GPR153: variants seen among roughly 807,000 people sequenced by gnomAD.
The protein encoded by GPR153 is probable G protein-coupled receptor 153.
GPR153 carries 27 observed loss-of-function variants against 34.1 expected under a neutral mutation model. That is an observed-to-expected ratio of 0.79 (90% CI 0.58 to 1.09). GPR153 has a LOEUF of 1.09. GPR153 is among the 50% of genes least tolerant of loss of function. The pLI is 0.00. For synonymous variants in GPR153, 408 were observed against 405.4 expected, an observed-to-expected ratio of 1.01 and a Z score of -0.08; for missense variants, 848 against 860.2, an observed-to-expected ratio of 0.99 and a Z score of 0.18.
Position 6,256,329 on chromosome 1 carries a change from G to GA in GPR153, c.-109-1316dup, listed in dbSNP as rs564075669. On this transcript the variant is annotated intron_variant, in intron 1 of 5. Transcript: ENST00000377893. ...TTGGATTTCTCAGCTTTTCTTTTTT[G>GA]AAAAAAAAAATTTATATATGTGTGT... Among the ~76,000 whole-genome samples the GA allele has an allele frequency of 3.5e-4, 50 of 144,592 alleles. No homozygotes were observed. In the South Asian group the frequency reaches 7.9e-3, roughly 23 times the overall value. The allele number at this position is 144,592 out of a possible 152,430, so 94.9% of individuals were successfully genotyped here. A position where few individuals can be genotyped will look rare whatever the true frequency, so the allele number is the denominator to read the frequency against.
In GPR153 at chr1:6,249,600, G is replaced by C. The variant is rs1460841568; in HGVS notation, c.1568C>G (p.Pro523Arg). ...GCCGTCGGGGGCGGCGGGCGCAGCG[G>C]GGAAGGGCCCGGGCGGGCGGCGCAG... ...QALRRPPGPF[P>R]AAPAAPDGAD... Residue 523 changes from proline to arginine, a missense_variant, in exon 6 of 6, where the codon CCC becomes CGC. Physicochemically the swap from Pro to Arg is moderately radical, Grantham distance 103. Coordinates refer to ENST00000377893, the MANE Select transcript of GPR153 (RefSeq NM_207370.4). This position sits in a 1 kb window ranked among gnomAD's most constrained non-coding sequence, Gnocchi z 4.3. 2 of 1,151,674 alleles carry C rather than the reference G, an allele frequency of 1.7e-6. No individual in the cohort carries two copies. The highest frequency in any genetic ancestry group is 3.3e-5 in the African/African-American group (2 of 61,164). The allele number at this position is 1,151,674 out of a possible 1,614,324, so 71.3% of individuals were successfully genotyped here. A position where few individuals can be genotyped will look rare whatever the true frequency, so the allele number is the denominator to read the frequency against.
rs982255285 is a variant in GPR153 at position 6,253,854 on chromosome 1, ATGG to A, written c.647_649del (p.Thr216del). ...CTTGCCCTGCGCGTCCTCCACCACGATGGTGGGCACGGTGAAGGCGCGGCGGTC... is the reference window on the plus strand; with the variant it reads ...CTTGCCCTGCGCGTCCTCCACCACGATGGGCACGGTGAAGGCGCGGCGGTC... On this transcript the variant is annotated inframe_deletion, in exon 3 of 6. Coordinates refer to ENST00000377893, the MANE Select transcript of GPR153 (RefSeq NM_207370.4). 6.2e-7 allele frequency: 1 copy of A among 1,605,694 alleles called. No homozygotes were observed. The highest frequency in any genetic ancestry group is 1.1e-5 in the South Asian group (1 of 90,684).
chr1:6,255,649 T>TTG (rs1201840960), intron 1 of GPR153, among the ~76,000 whole-genome samples: 2 of 122,940 alleles, frequency 1.6e-5, no homozygotes, highest in Non-Finnish European at 3.3e-5. Context: ...TACGTTTTTT[T>TTG]TTTTTTTTTT....
rs1638366371 is a variant in GPR153 at position 6,249,031 on chromosome 1, G to C, written c.*307C>G. On this transcript the variant is annotated 3_prime_UTR_variant, in exon 6 of 6. Transcript: ENST00000377893. The surrounding 1 kb of genome is among the most constrained non-coding windows in gnomAD (Gnocchi z 4.3). Reference sequence around the variant, plus strand: ...GTCCTGTTGCGCAGGGCTGGTGATGGCGCAGCTGGACGTGTGCACATGTCA... The same window carrying C: ...GTCCTGTTGCGCAGGGCTGGTGATGCCGCAGCTGGACGTGTGCACATGTCA... The C allele has an allele frequency of 3.8e-6, 1 of 262,734 alleles. No homozygotes were observed. Among genetic ancestry groups the C allele is most frequent in the African/African-American group, 2.2e-5 (1 of 45,114 alleles). 16.3% of individuals were successfully genotyped at this position (262,734 alleles called of 1,614,324 possible).
intron 1 of GPR153, among the ~76,000 whole-genome samples, chr1:6,259,776 T>G (rs1571245383): frequency 6.6e-6 from 1 of 152,310 alleles, no homozygotes; most frequent in Admixed American, 6.5e-5. Flanking sequence ...CCTCTGGCTC[T>G]GGGTCAGTGA....
chr1:6,255,680 T>C (rs1164635754), intron 1 of GPR153, among the ~76,000 whole-genome samples: 1 of 114,492 alleles, frequency 8.7e-6, no homozygotes, highest in African/African-American at 3.3e-5. Flanking sequence ...TGAGATAGAA[T>C]CTTGCTCTGT....
At chr1:6,254,201 C>A in intron 2 of GPR153, 54 bp from the exon 3 acceptor site, 1 of 1,540,116 alleles carries the variant, frequency 6.5e-7, no homozygotes, top group South Asian at 1.2e-5. Context: ...CAGGGCCTCC[C>A]CAGGCCTCTG....
At chr1:6,256,208 A>C (rs936464733) in intron 1 of GPR153, among the ~76,000 whole-genome samples, 6 of 151,946 alleles carry the variant, frequency 3.9e-5, no homozygotes, top group African/African-American at 1.2e-4. Flanking sequence ...TGTGAGCAAC[A>C]GTGCTGTTCC....
intron 1 of GPR153, among the ~76,000 whole-genome samples, chr1:6,256,530 G>A (rs568263518): frequency 3.9e-5 from 6 of 152,094 alleles, no homozygotes; most frequent in Admixed American, 3.3e-4. Flanking sequence ...ACCATGCTCG[G>A]CTAATTTTTT....
intron 1 of GPR153, among the ~76,000 whole-genome samples, chr1:6,255,642 G>GTTTTGTTT (rs1638550928): frequency 2.6e-5 from 1 of 38,840 alleles, no homozygotes; most frequent in Non-Finnish European, 4.4e-5. Context: ...GCCTGGCTAC[G>GTTTTGTTT]TTTTTTTTTT....
chr1:6,254,931 C>T lies in GPR153; in HGVS notation c.-26G>A, dbSNP rs1571241668. 6.7e-7 allele frequency: 1 copy of T among 1,497,538 alleles called. No individual in the cohort carries two copies. The highest frequency in any genetic ancestry group is 2.3e-5 in the East Asian group (1 of 43,126). The allele number at this position is 1,497,538 out of a possible 1,614,324, so 92.8% of individuals were successfully genotyped here. A position where few individuals can be genotyped will look rare whatever the true frequency, so the allele number is the denominator to read the frequency against. The stretch of plus-strand genomic sequence containing the variant: ...GGTGCAGACCGGAGCTGGCAGGCGG[C>T]TGTGGCATCCTCCTTGGAGCCAGGT... On this transcript the variant is annotated 5_prime_UTR_variant, in exon 2 of 6. Transcript: ENST00000377893.
chr1:6,252,615 C>A (rs1184435588), intron 3 of GPR153, among the ~76,000 whole-genome samples: 1 of 152,186 alleles, frequency 6.6e-6, no homozygotes, highest in Non-Finnish European at 1.5e-5. Context: ...GCTGCCACCC[C>A]CCGAGTCACC....
At chr1:6,258,545 G>A (rs1638610265) in intron 1 of GPR153, among the ~76,000 whole-genome samples, 1 of 152,242 alleles carries the variant, frequency 6.6e-6, no homozygotes, top group African/African-American at 2.4e-5. Flanking sequence ...CCTCAGGAGT[G>A]AGGGGAGCAC....
intron 2 of GPR153, among the ~76,000 whole-genome samples, 200 bp downstream of exon 2, chr1:6,254,350 T>C (rs1638516912): frequency 6.6e-6 from 1 of 152,170 alleles, no homozygotes; most frequent in African/African-American, 2.4e-5. Context: ...CTTCCAAGCA[T>C]TCTGTATTGG....
At position 6,253,799 on chromosome 1, in the gene GPR153, G is replaced by A. The variant is rs757533205; in HGVS notation, c.705C>T (p.Pro235=). 2.2e-5 allele frequency: 34 copies of A among 1,570,738 alleles called. No homozygotes were observed. Among genetic ancestry groups the A allele is most frequent in the Admixed American group, 3.6e-5 (2 of 56,178 alleles). The change falls in exon 3 of 6, where the codon CCC becomes CCT. Residue 235 remains proline (P), a synonymous_variant. Coordinates refer to ENST00000377893, the MANE Select transcript of GPR153 (RefSeq NM_207370.4). ...KRRSSIDGSE[P]AKTSLQTTGL... ...CCGTGGTCTGCAGAGAGGTTTTGGC[G>A]GGCTCCGAGCCATCGATGGAGGAGC...
Position 6,255,642 on chromosome 1 carries a change from G to GTTTTTT in GPR153, c.-109-634_-109-629dup, listed in dbSNP as rs59403526. Among the ~76,000 whole-genome samples, 349 of 38,826 alleles carry GTTTTTT rather than the reference G, an allele frequency of 9.0e-3. 85 individuals carry two copies. Among genetic ancestry groups the GTTTTTT allele is most frequent in the African/African-American group, 0.022 (225 of 10,390 alleles). The allele number at this position is 38,826 out of a possible 152,430, so 25.5% of individuals were successfully genotyped here. A position where few individuals can be genotyped will look rare whatever the true frequency, so the allele number is the denominator to read the frequency against. On this transcript the variant is annotated intron_variant, in intron 1 of 5. Transcript: ENST00000377893. Reference sequence around the variant, plus strand: ...GGCCTGCACCACTATGCCTGGCTACGTTTTTTTTTTTTTTTTTTTTTTTTT... The same window carrying GTTTTTT: ...GGCCTGCACCACTATGCCTGGCTACGTTTTTTTTTTTTTTTTTTTTTTTTTTTTTTT...
chr1:6,257,127 G>A (rs1425133511), intron 1 of GPR153, among the ~76,000 whole-genome samples: 2 of 152,214 alleles, frequency 1.3e-5, no homozygotes, highest in East Asian at 1.9e-4. Context: ...CTCTTGCCCC[G>A]TGCATGACCT....
Position 6,249,432 on chromosome 1 carries a change from C to G in GPR153, c.1736G>C (p.Gly579Ala), listed in dbSNP as rs954083955. The change falls in exon 6 of 6, where the codon GGC (glycine) becomes GCC (alanine). Residue 579 changes from glycine to alanine, a missense_variant. Gly to Ala is a moderately conservative substitution (Grantham distance 60). Coordinates refer to ENST00000377893, the MANE Select transcript of GPR153 (RefSeq NM_207370.4). This position sits in a 1 kb window ranked among gnomAD's most constrained non-coding sequence, Gnocchi z 4.3. ...WGEPGGLRAA[G>A]GGGSTSSFLS... ...GAAGCTGCTGGTGCTGCCGCCGCCG[C>G]CCGCCGCGCGCAGCCCCCCGGGCTC... 8 of 1,367,354 alleles carry G rather than the reference C, an allele frequency of 5.9e-6. No individual in the cohort carries two copies. The Admixed American group carries it at 2.8e-4, about 47-fold the overall frequency. The allele number at this position is 1,367,354 out of a possible 1,614,324, so 84.7% of individuals were successfully genotyped here.
At position 6,251,482 on chromosome 1, in the gene GPR153, C is replaced by A. The variant is rs1211906440; in HGVS notation, c.835G>T (p.Ala279Ser). ...LRADASAPWM[A>S]LCVLWCSVAQ... ...ACGGAGCACCACAGCACGCAGAGTG[C>A]CATCCAGGGCGCTGAGGCGTCGGCC... Residue 279 changes from alanine to serine, a missense_variant, in exon 4 of 6, where the codon GCA becomes TCA. Coordinates refer to ENST00000377893, the MANE Select transcript of GPR153 (RefSeq NM_207370.4). The surrounding 1 kb of genome is among the most constrained non-coding windows in gnomAD (Gnocchi z 4.9). 6 of 1,612,244 alleles carry A rather than the reference C, an allele frequency of 3.7e-6. No homozygotes were observed. The highest frequency in any genetic ancestry group is 5.1e-6 in the Non-Finnish European group (6 of 1,179,640).
Sources: gnomAD v4.1 joint callset for allele counts (sites outside exome capture counted in the v4.1 genomes callset) on GRCh38, gnomAD v4.1.1 for gene constraint, Gnocchi (gnomAD v3.1) non-coding constraint, MANE v1.5 for transcripts, NCBI Gene and HGNC (gene_info 2026-07-23, HGNC 2026-07-21) for gene names.